The following RASSF8 variants were observed in gnomAD, a reference collection of about 807,000 sequenced individuals.
RASSF8 encodes Ras association domain family member 8.
In RASSF8, 22 loss-of-function variants were observed where a neutral mutation model predicts 48.5. The ratio of observed to expected loss-of-function variants is 0.45; its 90% CI spans 0.32 to 0.65. The LOEUF is 0.65. RASSF8 is among the 30% of genes least tolerant of loss of function. RASSF8 has a pLI of 0.03. For missense variants in RASSF8, 418 were observed against 489.2 expected (o/e 0.85, Z 1.37); for synonymous variants, 127 against 171.5 (o/e 0.74, Z 2.03).
intron 1 of RASSF8, among the ~76,000 whole-genome samples, chr12:25,994,396 C>T (rs541714508): frequency 4.6e-5 from 7 of 152,192 alleles, no homozygotes; most frequent in South Asian, 2.1e-4. Context: ...ATATGAATTG[C>T]GTCAATTCCC....
chr12:26,013,311 A>G (rs1942573572), intron 2 of RASSF8, among the ~76,000 whole-genome samples: 1 of 152,230 alleles, frequency 6.6e-6, no homozygotes, highest in South Asian at 2.1e-4. Flanking sequence ...ACAGTACTTT[A>G]AAATTCATAA....
chr12:26,018,942 A>G (rs1432532103), intron 2 of RASSF8, among the ~76,000 whole-genome samples: 1 of 152,136 alleles, frequency 6.6e-6, no homozygotes, highest in Non-Finnish European at 1.5e-5. Context: ...TGGCTAAGTG[A>G]GATTATTGAC....
At chr12:25,994,183 A>G (rs1186908357) in intron 1 of RASSF8, among the ~76,000 whole-genome samples, 1 of 152,098 alleles carries the variant, frequency 6.6e-6, no homozygotes, top group Admixed American at 6.5e-5. Flanking sequence ...TTGATATTTC[A>G]TATTATTTCA....
intron 1 of RASSF8, among the ~76,000 whole-genome samples, chr12:25,991,390 C>T (rs1462324796): frequency 6.6e-6 from 1 of 151,980 alleles, no homozygotes; most frequent in Non-Finnish European, 1.5e-5. Flanking sequence ...AACAAGTTGC[C>T]CCATGCCTAC....
At chr12:25,963,512 C>T (rs1420593615) in intron 1 of RASSF8, among the ~76,000 whole-genome samples, 1 of 152,164 alleles carries the variant, frequency 6.6e-6, no homozygotes. Context: ...TTTCTCTTGA[C>T]TTGTTTTTTA....
At chr12:26,044,285 G>A (rs1316772098) in intron 2 of RASSF8, among the ~76,000 whole-genome samples, 3 of 152,124 alleles carry the variant, frequency 2.0e-5, no homozygotes, top group Non-Finnish European at 2.9e-5. Flanking sequence ...CAGGATGACT[G>A]CTTGTAGCAG....
intron 2 of RASSF8, among the ~76,000 whole-genome samples, chr12:26,022,645 AT>A (rs1162547420): frequency 6.6e-5 from 10 of 152,210 alleles, no homozygotes; most frequent in African/African-American, 1.4e-4. Flanking sequence ...GATAGAAATT[AT>A]AAAAAAATTA....
intron 3 of RASSF8, among the ~76,000 whole-genome samples, chr12:26,059,579 T>C (rs913943436): frequency 2.6e-5 from 4 of 152,222 alleles, no homozygotes; most frequent in Admixed American, 2.0e-4. Context: ...ATATGCTTTT[T>C]GTAGTTTTGA....
At chr12:25,961,612 G>C (rs965354458) in intron 1 of RASSF8, among the ~76,000 whole-genome samples, 5 of 152,100 alleles carry the variant, frequency 3.3e-5, no homozygotes, top group African/African-American at 1.2e-4. Context: ...TGCCACTTCA[G>C]CCTCTGTGAT....
chr12:25,977,511 A>G (rs979065625), intron 1 of RASSF8, among the ~76,000 whole-genome samples: 4 of 152,010 alleles, frequency 2.6e-5, no homozygotes, highest in Admixed American at 6.6e-5. Context: ...AACCCAGATC[A>G]TTGCAGTTCT....
At chr12:26,052,366 A>C (rs1029155054) in intron 2 of RASSF8, among the ~76,000 whole-genome samples, 5 of 152,196 alleles carry the variant, frequency 3.3e-5, no homozygotes, top group Non-Finnish European at 5.9e-5. Flanking sequence ...CCCTGGTAGC[A>C]TGTTAGTGAA....
intron 2 of RASSF8, among the ~76,000 whole-genome samples, chr12:26,029,554 C>G (rs1024166145): frequency 6.6e-6 from 1 of 152,024 alleles, no homozygotes; most frequent in African/African-American, 2.4e-5. Context: ...TGTCTTCTGC[C>G]ACCGTGTTTA....
chr12:26,050,758 A>G (rs1403929441), intron 2 of RASSF8, among the ~76,000 whole-genome samples: 1 of 152,238 alleles, frequency 6.6e-6, no homozygotes, highest in Admixed American at 6.5e-5. Context: ...CCAAAACTGA[A>G]GGAATAATTC....
intron 1 of RASSF8, among the ~76,000 whole-genome samples, chr12:25,978,693 T>G (rs1941667237): frequency 6.6e-6 from 1 of 152,074 alleles, no homozygotes; most frequent in African/African-American, 2.4e-5. Flanking sequence ...AATTTTTTTT[T>G]TTTTTAACCA....
At chr12:26,046,528 A>AT (rs1423923945) in intron 2 of RASSF8, among the ~76,000 whole-genome samples, 3 of 152,208 alleles carry the variant, frequency 2.0e-5, no homozygotes, top group Admixed American at 6.5e-5. Context: ...GATTTAAAAA[A>AT]TTTTTTAAAG....
chr12:25,976,670 T>C (rs1371662958), intron 1 of RASSF8, among the ~76,000 whole-genome samples: 1 of 152,198 alleles, frequency 6.6e-6, no homozygotes, highest in Non-Finnish European at 1.5e-5. Context: ...GAGTGTACTT[T>C]CGTTTTCAGT....
chr12:26,013,225 TTCTAGTAATTCAAG>T (rs1349694828), intron 2 of RASSF8, among the ~76,000 whole-genome samples: 1 of 152,170 alleles, frequency 6.6e-6, no homozygotes, highest in Admixed American at 6.5e-5. Flanking sequence ...TCTTTCTCAT[TTCTAGTAATTCAAG>T]TCTAGTAATC....
At chr12:26,010,198 G>C (rs1942489587) in intron 2 of RASSF8, among the ~76,000 whole-genome samples, 1 of 135,928 alleles carries the variant, frequency 7.4e-6, no homozygotes, top group South Asian at 2.3e-4. Context: ...TTTCATTTAG[G>C]AGAGTTAGTC....
intron 2 of RASSF8, among the ~76,000 whole-genome samples, chr12:26,010,889 C>A (rs1168465602): frequency 6.6e-6 from 1 of 151,836 alleles, no homozygotes; most frequent in Non-Finnish European, 1.5e-5. Context: ...CAATCCTGGT[C>A]ACAAAGACCA....
Sources: allele counts gnomAD v4.1 joint callset (sites outside exome capture counted in the v4.1 genomes callset), GRCh38; gene constraint gnomAD v4.1.1; transcripts MANE v1.5; gene names NCBI Gene and HGNC (gene_info 2026-07-23, HGNC 2026-07-21).